Variants in TBCK observed in about 807,000 individuals in gnomAD.
TBCK encodes TBC1 domain containing kinase.
TBCK carries 99 observed loss-of-function variants against 113.4 expected under a neutral mutation model. The observed-to-expected ratio is 0.87, with a 90% CI of 0.74 to 1.03. TBCK has a LOEUF of 1.03. Ranked by LOEUF, TBCK falls within the 50% of genes least tolerant of loss-of-function variation. The probability of loss-of-function intolerance (pLI) is 0.00; values close to 1 mark genes in which losing one functional copy is unlikely to be tolerated. For missense variants in TBCK, 1,045 were observed against 1,061.3 expected, an observed-to-expected ratio of 0.98 and a Z score of 0.21; for synonymous variants, 369 against 370.8, an observed-to-expected ratio of 1.00 and a Z score of 0.05.
intron 22 of TBCK, among the ~76,000 whole-genome samples, chr4:106,187,113 C>T (rs770751913): frequency 3.3e-5 from 5 of 152,086 alleles, no homozygotes; most frequent in Non-Finnish European, 7.4e-5. Context: ...GTTTTTGTAC[C>T]AGTACCGTGC....
At chr4:106,122,029 C>A (rs1363862793) in intron 23 of TBCK, among the ~76,000 whole-genome samples, 1 of 152,018 alleles carries the variant, frequency 6.6e-6, no homozygotes, top group African/African-American at 2.4e-5. Flanking sequence ...AAAATCAGAG[C>A]AGAACTGAAG....
chr4:106,194,663 C>T (rs921405197), intron 21 of TBCK, 55 bp downstream of exon 21: 18 of 1,383,314 alleles, frequency 1.3e-5, no homozygotes, highest in Admixed American at 5.8e-5. Flanking sequence ...GGGGAGGCAT[C>T]GGGCTGTCCT....
intron 25 of TBCK, among the ~76,000 whole-genome samples, chr4:106,067,660 T>TA (rs1736809395): frequency 6.6e-6 from 1 of 152,206 alleles, no homozygotes; most frequent in Non-Finnish European, 1.5e-5. Flanking sequence ...CATTTTGAGT[T>TA]AAATTTTATA....
In TBCK at chr4:106,260,429, A is replaced by G; in HGVS notation, c.455+8T>C. 1 of 1,265,804 alleles carries G rather than the reference A, an allele frequency of 7.9e-7. No individual in the cohort carries two copies. The highest frequency in any genetic ancestry group is 1.0e-6 in the Non-Finnish European group (1 of 956,360). 78.4% of individuals were successfully genotyped at this position (1,265,804 alleles called of 1,614,324 possible). A position where few individuals can be genotyped will look rare whatever the true frequency, so the allele number is the denominator to read the frequency against. ...AGAAACTCAAAATAGAGGAAAACATATCCTTACCCTATTGGGAAATCAACA... is the reference window on the plus strand; with the variant it reads ...AGAAACTCAAAATAGAGGAAAACATGTCCTTACCCTATTGGGAAATCAACA... On this transcript the variant is annotated splice_region_variant and intron_variant, in intron 5 of 25. Transcript: ENST00000394708.
At chr4:106,085,375 C>T (rs563008722) in intron 25 of TBCK, among the ~76,000 whole-genome samples, 1 of 152,274 alleles carries the variant, frequency 6.6e-6, no homozygotes, top group Non-Finnish European at 1.5e-5. Flanking sequence ...CAAAGAAGGG[C>T]ATTACACAAT....
chr4:106,216,720 A>C (rs1358983033), intron 19 of TBCK, among the ~76,000 whole-genome samples: 1 of 152,146 alleles, frequency 6.6e-6, no homozygotes, highest in African/African-American at 2.4e-5. Context: ...TTGTGGCAAT[A>C]ATCAATAGCT....
intron 2 of TBCK, among the ~76,000 whole-genome samples, chr4:106,296,573 G>A (rs1766326275): frequency 6.6e-6 from 1 of 152,064 alleles, no homozygotes; most frequent in Non-Finnish European, 1.5e-5. Flanking sequence ...TTGTGTTCAG[G>A]CAGACATGTC....
At chr4:106,236,696 T>C (rs1759510369) in intron 13 of TBCK, 63 bp downstream of exon 13, 1 of 1,066,590 alleles carries the variant, frequency 9.4e-7, no homozygotes, top group Non-Finnish European at 1.3e-6. Flanking sequence ...ATGTATAAAA[T>C]TCTTATAAAT....
At chr4:106,313,042 T>C (rs981711845) in intron 1 of TBCK, among the ~76,000 whole-genome samples, 5 of 152,200 alleles carry the variant, frequency 3.3e-5, no homozygotes, top group African/African-American at 1.2e-4. Context: ...ACTCATTAAA[T>C]TGGCCACTTA....
At chr4:106,293,132 C>G (rs972962182) in intron 3 of TBCK, among the ~76,000 whole-genome samples, 1 of 152,186 alleles carries the variant, frequency 6.6e-6, no homozygotes, top group African/African-American at 2.4e-5. Flanking sequence ...GGTGAATTGA[C>G]TTCATCTGTG....
chr4:106,309,410 T>A (rs1174867829), intron 1 of TBCK, among the ~76,000 whole-genome samples: 2 of 150,132 alleles, frequency 1.3e-5, no homozygotes, highest in Admixed American at 1.3e-4. Flanking sequence ...CCTCCCGGGT[T>A]CAAGCAATTC....
At chr4:106,239,940 C>T (rs73838169) in intron 12 of TBCK, among the ~76,000 whole-genome samples, 2,762 of 152,010 alleles carry the variant, frequency 0.018, 78 homozygotes, top group African/African-American at 0.061. Flanking sequence ...AAGAAACTCA[C>T]AGGCCTATCT....
intron 25 of TBCK, among the ~76,000 whole-genome samples, chr4:106,059,103 A>T (rs1014077666): frequency 2.0e-5 from 3 of 151,768 alleles, no homozygotes; most frequent in African/African-American, 7.2e-5. Context: ...GTAGACAGAT[A>T]GCCCTGGGTC....
intron 1 of TBCK, among the ~76,000 whole-genome samples, chr4:106,309,476 G>A (rs992350688): frequency 4.0e-5 from 6 of 151,730 alleles, no homozygotes. Flanking sequence ...TTAACTTTTT[G>A]TATTTTTAGT....
intron 24 of TBCK, among the ~76,000 whole-genome samples, chr4:106,112,862 A>T (rs538412524): frequency 5.9e-5 from 9 of 152,302 alleles, no homozygotes; most frequent in Admixed American, 5.9e-4. Context: ...AACTTATCTG[A>T]ACAATTTCAA....
Position 106,242,519 on chromosome 4 carries a change from G to C in TBCK, c.1121C>G (p.Ser374Trp), listed in dbSNP as rs56366017. 1.2e-6 allele frequency: 2 copies of C among 1,609,154 alleles called. No individual in the cohort carries two copies. Among genetic ancestry groups the C allele is most frequent in the African/African-American group, 1.3e-5 (1 of 74,812 alleles). ...TGTCACAGTGGTATCATCTAAAAGCGAGCTTCTATCTCGACCTTGTCCAAA... is the reference window on the plus strand; with the variant it reads ...TGTCACAGTGGTATCATCTAAAAGCCAGCTTCTATCTCGACCTTGTCCAAA... Reference protein sequence around the residue: ...ESFGQGRDRSSLLDDTTVTLS... With the variant: ...ESFGQGRDRSWLLDDTTVTLS... The change falls in exon 12 of 26, where the codon TCG becomes TGG. Residue 374 changes from serine to tryptophan, a missense_variant. Transcript: ENST00000394708.
At chr4:106,100,361 G>A (rs115931295) in intron 24 of TBCK, among the ~76,000 whole-genome samples, 4,165 of 152,168 alleles carry the variant, frequency 0.027, 183 homozygotes, top group African/African-American at 0.095. Context: ...GGTGCCTTCT[G>A]GCCACCCCAA....
intron 20 of TBCK, 142 bp from the exon 21 acceptor site, chr4:106,194,896 GT>G: frequency 1.3e-6 from 1 of 795,584 alleles, no homozygotes; most frequent in South Asian, 1.8e-5. Flanking sequence ...AGAATGTAGT[GT>G]TAAGTTTAGC....
chr4:106,153,070 T>A (rs1479193555), intron 23 of TBCK, among the ~76,000 whole-genome samples: 1 of 152,080 alleles, frequency 6.6e-6, no homozygotes, highest in East Asian at 1.9e-4. Context: ...AATTAATTTA[T>A]TTTTGCTCTT....
Sources: allele counts gnomAD v4.1 joint callset (sites outside exome capture counted in the v4.1 genomes callset), GRCh38; gene constraint gnomAD v4.1.1; transcripts MANE v1.5; gene names NCBI Gene and HGNC (gene_info 2026-07-23, HGNC 2026-07-21).